Variants in TMPRSS12 observed in about 807,000 individuals in gnomAD.
The protein encoded by TMPRSS12 is transmembrane protease serine 12.
In TMPRSS12, 25 loss-of-function variants were observed where a neutral mutation model predicts 26.0. The observed-to-expected ratio is 0.96, with a 90% CI of 0.70 to 1.34. The LOEUF is 1.34. Ranked by LOEUF, TMPRSS12 falls within the 40% of genes most tolerant of loss-of-function variation. The pLI is 0.00. For synonymous variants in TMPRSS12, 150 were observed against 161.7 expected, an observed-to-expected ratio of 0.93 and a Z score of 0.55; for missense variants, 441 against 440.1, an observed-to-expected ratio of 1.00 and a Z score of -0.02.
chr12:50,862,335 G>A (rs1007093033), intron 3 of TMPRSS12, among the ~76,000 whole-genome samples: 1 of 152,132 alleles, frequency 6.6e-6, no homozygotes, highest in Admixed American at 6.5e-5. Flanking sequence ...CACGGAAGTT[G>A]ACTTTGATCT....
At chr12:50,848,831 G>A (rs1937798037) in intron 2 of TMPRSS12, among the ~76,000 whole-genome samples, 1 of 152,200 alleles carries the variant, frequency 6.6e-6, no homozygotes, top group Non-Finnish European at 1.5e-5. Context: ...TCCTTGCATA[G>A]GATATGGATA....
chr12:50,876,510 A>G (rs1477993860), intron 3 of TMPRSS12, among the ~76,000 whole-genome samples: 1 of 152,210 alleles, frequency 6.6e-6, no homozygotes, highest in Non-Finnish European at 1.5e-5. Flanking sequence ...GCCCATCAAC[A>G]ATAGACTGGA....
In TMPRSS12 at chr12:50,887,535, A is replaced by G. The variant is rs1419913567; in HGVS notation, c.*22A>G. The G allele has an allele frequency of 6.2e-7, 1 of 1,602,224 alleles. No homozygotes were observed. The highest frequency in any genetic ancestry group is 1.1e-5 in the South Asian group (1 of 88,824). ...ATAAAGAAATTCTGAAGGCTTTCAT[A>G]TCTTTATTTTGCATTGTGTCCCTTT... On this transcript the variant is annotated 3_prime_UTR_variant, in exon 5 of 5. Coordinates refer to ENST00000398458, the MANE Select transcript of TMPRSS12 (RefSeq NM_182559.3).
At chr12:50,865,658 G>C (rs1395646173) in intron 3 of TMPRSS12, among the ~76,000 whole-genome samples, 1 of 149,430 alleles carries the variant, frequency 6.7e-6, no homozygotes, top group East Asian at 2.0e-4. Flanking sequence ...AAAACAAAAC[G>C]TAATCCCCTT....
intron 2 of TMPRSS12, among the ~76,000 whole-genome samples, chr12:50,858,581 A>G (rs1937903666): frequency 6.6e-6 from 1 of 152,116 alleles, no homozygotes; most frequent in Admixed American, 6.5e-5. Flanking sequence ...CATGTACTTG[A>G]ATCAGTTTCT....
intron 3 of TMPRSS12, among the ~76,000 whole-genome samples, chr12:50,875,468 C>A (rs1389130225): frequency 5.2e-5 from 6 of 114,676 alleles, no homozygotes; most frequent in Non-Finnish European, 8.3e-5. Flanking sequence ...CAAGCCTGGG[C>A]GACAGAGCAA....
At chr12:50,873,702 T>A (rs1938088194) in intron 3 of TMPRSS12, among the ~76,000 whole-genome samples, 1 of 152,212 alleles carries the variant, frequency 6.6e-6, no homozygotes, top group Non-Finnish European at 1.5e-5. Flanking sequence ...ATGTTAAAAC[T>A]GGGCAAGCGG....
intron 3 of TMPRSS12, among the ~76,000 whole-genome samples, chr12:50,880,966 C>CTT (rs869152225): frequency 0.018 from 1,102 of 61,770 alleles, 65 homozygotes; most frequent in African/African-American, 0.023. Flanking sequence ...TCAGTAATTT[C>CTT]TTTTTTTTTT....
intron 3 of TMPRSS12, among the ~76,000 whole-genome samples, chr12:50,863,492 T>C (rs73294444): frequency 0.019 from 2,930 of 152,338 alleles, 91 homozygotes; most frequent in African/African-American, 0.065. Flanking sequence ...ATGAAAGCTT[T>C]ATTTTAAAAG....
At chr12:50,870,022 G>T (rs1938027207) in intron 3 of TMPRSS12, among the ~76,000 whole-genome samples, 1 of 152,166 alleles carries the variant, frequency 6.6e-6, no homozygotes, top group African/African-American at 2.4e-5. Flanking sequence ...GGCGGAGGTT[G>T]CAGTGAGCTG....
At chr12:50,854,260 ATCTCT>A (rs1308895138) in intron 2 of TMPRSS12, among the ~76,000 whole-genome samples, 2 of 152,148 alleles carry the variant, frequency 1.3e-5, no homozygotes, top group African/African-American at 4.8e-5. Context: ...AAAATTCAAC[ATCTCT>A]TCATGTTAAA....
At chr12:50,867,520 G>A (rs1938002945) in intron 3 of TMPRSS12, among the ~76,000 whole-genome samples, 1 of 152,192 alleles carries the variant, frequency 6.6e-6, no homozygotes, top group African/African-American at 2.4e-5. Flanking sequence ...TCCTGAGGAA[G>A]AAGAGAAACC....
chr12:50,881,976 AAAAAAAAAAAAAAAAAAAAAAAATATAT>A (rs1319419465), intron 3 of TMPRSS12, among the ~76,000 whole-genome samples: 10 of 65,124 alleles, frequency 1.5e-4, no homozygotes, highest in East Asian at 1.3e-3. Context: ...AAAAAAAAAA[AAAAAAAAAAAAAAAAAAAAAAAATATAT>A]ATATATATAT....
chr12:50,847,621 T>C (rs1373583162), intron 2 of TMPRSS12, among the ~76,000 whole-genome samples: 1 of 151,930 alleles, frequency 6.6e-6, no homozygotes, highest in Non-Finnish European at 1.5e-5. Context: ...ACCTGCTGGG[T>C]GTGGTGGCTC....
Position 50,843,089 on chromosome 12 carries a change from A to C in TMPRSS12, c.125A>C (p.Gln42Pro), listed in dbSNP as rs1309199277. The C allele has an allele frequency of 1.3e-6, 2 of 1,583,526 alleles. No individual in the cohort carries two copies. The highest frequency in any genetic ancestry group is 1.7e-6 in the Non-Finnish European group (2 of 1,165,266). ...GPSPEPAASS[Q>P]QAEAVRKRLR... ...TCGCCGGAACCGGCGGCTAGTTCCCAGCAGGCTGAGGCCGTCCGCAAGAGG... is the reference window on the plus strand; with the variant it reads ...TCGCCGGAACCGGCGGCTAGTTCCCCGCAGGCTGAGGCCGTCCGCAAGAGG... Residue 42 changes from glutamine to proline, a missense_variant, in exon 1 of 5, where the codon CAG becomes CCG. Gln to Pro is a moderately conservative substitution (Grantham distance 76). Transcript: ENST00000398458.
intron 3 of TMPRSS12, among the ~76,000 whole-genome samples, chr12:50,884,259 A>C (rs7957410): frequency 0.63 from 95,188 of 151,930 alleles, 29,911 homozygotes; most frequent in South Asian, 0.69. Flanking sequence ...CTGTAGAAGT[A>C]CTACCAAGTG....
chr12:50,876,192 A>G (rs1002503481), intron 3 of TMPRSS12, among the ~76,000 whole-genome samples: 1 of 152,238 alleles, frequency 6.6e-6, no homozygotes, highest in African/African-American at 2.4e-5. Context: ...AATCAAAACC[A>G]TAATGAGATA....
intron 3 of TMPRSS12, among the ~76,000 whole-genome samples, chr12:50,868,731 T>C (rs1454476799): frequency 6.6e-6 from 1 of 152,166 alleles, no homozygotes; most frequent in Non-Finnish European, 1.5e-5. Flanking sequence ...TTCTCCAAGA[T>C]AGACCATCTG....
chr12:50,878,392 C>T (rs1442309259), intron 3 of TMPRSS12, among the ~76,000 whole-genome samples: 1 of 151,266 alleles, frequency 6.6e-6, no homozygotes, highest in Non-Finnish European at 1.5e-5. Context: ...GACCAGCCTG[C>T]GCAATACGGT....
Sources: gnomAD v4.1 joint callset for allele counts (sites outside exome capture counted in the v4.1 genomes callset) on GRCh38, gnomAD v4.1.1 for gene constraint, MANE v1.5 for transcripts, NCBI Gene and HGNC (gene_info 2026-07-23, HGNC 2026-07-21) for gene names.